The following TMEM132C variants were observed in gnomAD, a reference collection of about 807,000 sequenced individuals.
The protein encoded by TMEM132C is protein phosphatase 1, regulatory subunit 152.
Under a neutral mutation model 61.4 loss-of-function variants are expected in TMEM132C, and 29 were observed. The observed-to-expected ratio is 0.47, with a 90% CI of 0.35 to 0.64. TMEM132C has a LOEUF of 0.64. TMEM132C is among the 30% of genes least tolerant of loss of function. The pLI is 0.00. For synonymous variants in TMEM132C, 656 were observed against 633.1 expected, an observed-to-expected ratio of 1.04 and a Z score of -0.54; for missense variants, 1,408 against 1,476.9, an observed-to-expected ratio of 0.95 and a Z score of 0.76.
chr12:128,675,615 C>G (rs1342892238), intron 5 of TMEM132C, among the ~76,000 whole-genome samples: 1 of 152,066 alleles, frequency 6.6e-6, no homozygotes, highest in East Asian at 1.9e-4. Context: ...CAGTTTCAGT[C>G]TCTCTCTCTC....
intron 1 of TMEM132C, among the ~76,000 whole-genome samples, chr12:128,344,658 A>G (rs1040462051): frequency 2.0e-5 from 3 of 152,074 alleles, no homozygotes; most frequent in Admixed American, 6.6e-5. Flanking sequence ...TATCTCAGTC[A>G]TCTTGTTCTG....
chr12:128,269,088 C>CTAG (rs1481857909), intron 1 of TMEM132C, among the ~76,000 whole-genome samples: 1 of 152,016 alleles, frequency 6.6e-6, no homozygotes, highest in Non-Finnish European at 1.5e-5. Flanking sequence ...TAGGTTCCAG[C>CTAG]GTTTCTAGGA....
At chr12:128,306,211 T>C (rs1219068960) in intron 1 of TMEM132C, among the ~76,000 whole-genome samples, 6 of 150,958 alleles carry the variant, frequency 4.0e-5, no homozygotes, top group Non-Finnish European at 5.9e-5. Context: ...AAATTCTTTT[T>C]TTTTTTTTTT....
intron 1 of TMEM132C, among the ~76,000 whole-genome samples, chr12:128,393,676 G>A (rs7133077): frequency 0.37 from 56,117 of 151,550 alleles, 11,263 homozygotes; most frequent in African/African-American, 0.53. Flanking sequence ...ATGCTTCGAG[G>A]TGCCAAGGGG....
chr12:128,427,389 T>G (rs369222790), intron 2 of TMEM132C, among the ~76,000 whole-genome samples: 2,495 of 44,472 alleles, frequency 0.056, 84 homozygotes, highest in African/African-American at 0.15. Context: ...TCCAAAGGGG[T>G]GTGTGTGTGT....
intron 1 of TMEM132C, among the ~76,000 whole-genome samples, chr12:128,317,291 G>T (rs569943171): frequency 6.6e-6 from 1 of 152,094 alleles, no homozygotes; most frequent in Non-Finnish European, 1.5e-5. Flanking sequence ...ACAATAAAAA[G>T]AAGTAAGAAC....
intron 1 of TMEM132C, among the ~76,000 whole-genome samples, chr12:128,411,437 TATTTC>T (rs1565928129): frequency 6.6e-6 from 1 of 152,338 alleles, no homozygotes; most frequent in East Asian, 1.9e-4. Context: ...CATAGATTCT[TATTTC>T]ATTTAATGGC....
At chr12:128,652,104 G>C (rs1013923626) in intron 4 of TMEM132C, among the ~76,000 whole-genome samples, 2 of 152,152 alleles carry the variant, frequency 1.3e-5, no homozygotes, top group African/African-American at 4.8e-5. Context: ...TTTGTGTTCT[G>C]ACCTCTCTAT....
At chr12:128,620,017 G>A (rs934046785) in intron 4 of TMEM132C, among the ~76,000 whole-genome samples, 4 of 152,136 alleles carry the variant, frequency 2.6e-5, no homozygotes, top group Admixed American at 1.3e-4. Context: ...GATTGCTTGA[G>A]TCCAAGAGTT....
rs9300287 is a variant in TMEM132C, at chr12:128,392,786, TAAAA to T, written c.86-21932_86-21929del. ...CTAACACTAATGATAGCTGATGAGC[TAAAA>T]AAAAAAAAAAAAATCACAAAAACAT... On this transcript the variant is annotated intron_variant, in intron 1 of 8. Transcript: ENST00000435159. Among the ~76,000 whole-genome samples the T allele has an allele frequency of 2.3e-3, 321 of 141,764 alleles. 3 individuals carry two copies. The highest frequency in any genetic ancestry group is 4.6e-3 in the African/African-American group (180 of 39,008). The allele number at this position is 141,764 out of a possible 152,430, so 93.0% of individuals were successfully genotyped here.
At chr12:128,629,896 G>A (rs1565996677) in intron 4 of TMEM132C, among the ~76,000 whole-genome samples, 1 of 151,182 alleles carries the variant, frequency 6.6e-6, no homozygotes, top group Admixed American at 6.6e-5. Context: ...AACCCGGGAG[G>A]CAGAGGTTGC....
intron 3 of TMEM132C, among the ~76,000 whole-genome samples, chr12:128,604,436 GA>G (rs879324277): frequency 2.0e-5 from 3 of 149,972 alleles, no homozygotes; most frequent in Non-Finnish European, 4.4e-5. Flanking sequence ...TAGATAGATA[GA>G]TAGATAGATA....
At chr12:128,347,694 C>G (rs958372769) in intron 1 of TMEM132C, among the ~76,000 whole-genome samples, 2 of 152,200 alleles carry the variant, frequency 1.3e-5, no homozygotes, top group Non-Finnish European at 2.9e-5. Flanking sequence ...TCCAAAAGTG[C>G]TGGGATTACA....
At chr12:128,622,580 G>A (rs903120406) in intron 4 of TMEM132C, among the ~76,000 whole-genome samples, 6 of 151,042 alleles carry the variant, frequency 4.0e-5, no homozygotes, top group African/African-American at 1.5e-4. Flanking sequence ...TCAGAGACCC[G>A]GACGTACATG....
rs112463520 is a variant in TMEM132C, at chr12:128,558,100, A to G, written c.1121+13997A>G. Among the ~76,000 whole-genome samples the G allele has an allele frequency of 4.5e-3, 688 of 152,342 alleles. 11 individuals are homozygous for G. The highest frequency in any genetic ancestry group is 0.016 in the African/African-American group (658 of 41,588). On this transcript the variant is annotated intron_variant, in intron 3 of 8. Coordinates refer to ENST00000435159, the MANE Select transcript of TMEM132C (RefSeq NM_001136103.3). ...AGTGCTTGTGAGGATTAAGTGGGTT[A>G]GTATATGAGGGGTGCCCACCTGGAG...
At position 128,541,438 on chromosome 12, in the gene TMEM132C, C is replaced by A. The variant is rs150847975; in HGVS notation, c.975-2519C>A. 4.7e-4 allele frequency among the ~76,000 whole-genome samples: 72 copies of A among 152,258 alleles called. 1 individual carries two copies. In the East Asian group the frequency reaches 0.012, roughly 25 times the overall value. On this transcript the variant is annotated intron_variant, in intron 2 of 8. Transcript: ENST00000435159. ...GAGATTGAGGGGATGGGCTGAAAGT[C>A]CAAACCCTCTATTCTTGCCTTGGTC...
chr12:128,441,467 G>T (rs1869784422), intron 2 of TMEM132C, among the ~76,000 whole-genome samples: 1 of 152,188 alleles, frequency 6.6e-6, no homozygotes, highest in South Asian at 2.1e-4. Context: ...TTCCAAATCT[G>T]CAGCTTTGGC....
chr12:128,690,526 T>C (rs1334554909), intron 5 of TMEM132C, among the ~76,000 whole-genome samples: 3 of 152,092 alleles, frequency 2.0e-5, no homozygotes, highest in South Asian at 2.1e-4. Context: ...AGCAGCCAGG[T>C]TTCCTCCCAC....
chr12:128,540,296 C>T lies in TMEM132C; in HGVS notation c.975-3661C>T, dbSNP rs1353400417. Among the ~76,000 whole-genome samples the T allele has an allele frequency of 2.0e-5, 3 of 152,146 alleles. No individual in the cohort carries two copies. The East Asian group carries it at 5.8e-4, about 29-fold the overall frequency. On this transcript the variant is annotated intron_variant, in intron 2 of 8. Transcript: ENST00000435159. ...TTGAGACAGAGTTTCGCTCTGTCAC[C>T]AGGCTGCACTGCAGTGGCACGATCT... is the stretch of plus-strand genomic sequence containing the variant.
Sources: gnomAD v4.1 joint callset for allele counts (sites outside exome capture counted in the v4.1 genomes callset) on GRCh38, gnomAD v4.1.1 for gene constraint, MANE v1.5 for transcripts, NCBI Gene and HGNC (gene_info 2026-07-23, HGNC 2026-07-21) for gene names.